USP54: variants seen among roughly 807,000 people sequenced by gnomAD.
The protein encoded by USP54 is ubiquitin carboxyl-terminal hydrolase 54.
USP54 carries 87 observed loss-of-function variants against 170.5 expected under a neutral mutation model. The ratio of observed to expected loss-of-function variants is 0.51; its 90% CI spans 0.43 to 0.61. The LOEUF (loss-of-function observed/expected upper bound fraction) is 0.61, where lower values mean the gene tolerates loss of function less well. Ranked by LOEUF, USP54 falls within the 20% of genes least tolerant of loss-of-function variation. USP54 has a pLI of 0.00. For missense variants in USP54, 1,786 were observed against 2,047.8 expected, an observed-to-expected ratio of 0.87 and a Z score of 2.47; for synonymous variants, 655 against 742.8, an observed-to-expected ratio of 0.88 and a Z score of 1.92.
At chr10:73,541,289 A>T in intron 9 of USP54, 86 bp downstream of exon 9, 1 of 1,564,210 alleles carries the variant, frequency 6.4e-7, no homozygotes, top group Admixed American at 1.7e-5. Context: ...CATCTAGGAC[A>T]TACCTGTTTG....
At chr10:73,506,489 T>A (rs1028330241) in intron 20 of USP54, 14 of 152,212 alleles carry the variant, frequency 9.2e-5, no homozygotes, top group Admixed American at 5.9e-4. Flanking sequence ...ATTTGATACA[T>A]ATGTCCATGG....
intron 7 of USP54, among the ~76,000 whole-genome samples, chr10:73,542,349 C>T (rs1254183465): frequency 2.0e-5 from 3 of 152,190 alleles, no homozygotes; most frequent in African/African-American, 7.2e-5. Context: ...ATCCGCCCAC[C>T]TGGGCCTCCC....
At chr10:73,531,780 A>G (rs2064023175) in intron 12 of USP54, among the ~76,000 whole-genome samples, 1 of 152,234 alleles carries the variant, frequency 6.6e-6, no homozygotes, top group Non-Finnish European at 1.5e-5. Flanking sequence ...GAAAACCAGG[A>G]GAGCTGGGCT....
At chr10:73,551,123 T>C (rs1249830883) in intron 4 of USP54, among the ~76,000 whole-genome samples, 1 of 151,996 alleles carries the variant, frequency 6.6e-6, no homozygotes, top group African/African-American at 2.4e-5. Context: ...AAATTGTTTT[T>C]CCCATTCTGC....
intron 4 of USP54, among the ~76,000 whole-genome samples, chr10:73,551,249 G>A (rs1048063427): frequency 2.6e-5 from 4 of 152,286 alleles, no homozygotes; most frequent in Admixed American, 6.5e-5. Context: ...TATGATGTGG[G>A]AGAGGCAGTG....
At chr10:73,534,137 T>C (rs991757788) in intron 12 of USP54, among the ~76,000 whole-genome samples, 7 of 152,322 alleles carry the variant, frequency 4.6e-5, no homozygotes, top group East Asian at 1.9e-4. Flanking sequence ...TTGTATCCCA[T>C]TGAATTGCCC....
At chr10:73,599,899 C>CTTT (rs536461848) in intron 1 of USP54, among the ~76,000 whole-genome samples, 23 of 117,962 alleles carry the variant, frequency 1.9e-4, no homozygotes, top group African/African-American at 4.8e-4. Flanking sequence ...GCACTTTGGG[C>CTTT]TTTTTTTTTT....
intron 3 of USP54, among the ~76,000 whole-genome samples, chr10:73,573,516 C>T (rs1345524133): frequency 6.6e-6 from 1 of 152,108 alleles, no homozygotes; most frequent in Non-Finnish European, 1.5e-5. Flanking sequence ...GTAAGCCCAG[C>T]ACTTTGGGAG....
chr10:73,514,011 C>G (rs1028685652), intron 20 of USP54, among the ~76,000 whole-genome samples: 12 of 151,930 alleles, frequency 7.9e-5, no homozygotes, highest in Admixed American at 2.6e-4. Context: ...GAGACAGGGT[C>G]TCACCATGTT....
intron 5 of USP54, among the ~76,000 whole-genome samples, chr10:73,544,956 C>T (rs1039223138): frequency 6.6e-6 from 1 of 152,160 alleles, no homozygotes; most frequent in Non-Finnish European, 1.5e-5. Context: ...TTGTGATCTG[C>T]CTGCCTTGGC....
chr10:73,593,037 G>A (rs929591028), upstream of USP54, among the ~76,000 whole-genome samples: 4 of 152,304 alleles, frequency 2.6e-5, no homozygotes, highest in African/African-American at 7.2e-5. Context: ...ACAAGTTTTT[G>A]TTAGGTGAGT....
At position 73,606,862 on chromosome 10, in the gene USP54, G is replaced by C. The variant is rs551494038; in HGVS notation, c.-18+18705C>G. 1.3e-4 allele frequency among the ~76,000 whole-genome samples: 18 copies of C among 142,148 alleles called. No individual in the cohort carries two copies. The South Asian group carries it at 4.0e-3, about 32-fold the overall frequency. The allele number at this position is 142,148 out of a possible 152,430, so 93.3% of individuals were successfully genotyped here. A position where few individuals can be genotyped will look rare whatever the true frequency, so the allele number is the denominator to read the frequency against. ...CCACTGCACTCCAGCCTGGGTGACA[G>C]AGCGAGACAATATCTCAAAAAAAAA... On this transcript the variant is annotated intron_variant, in intron 1 of 22. Transcript: ENST00000339859.
intron 9 of USP54, among the ~76,000 whole-genome samples, chr10:73,540,352 C>T (rs1476489815): frequency 6.6e-6 from 1 of 151,220 alleles, no homozygotes; most frequent in Non-Finnish European, 1.5e-5. Flanking sequence ...AGGCAGATCA[C>T]GAGGTCAGGA....
intron 17 of USP54, among the ~76,000 whole-genome samples, chr10:73,521,656 G>A (rs1240083402): frequency 6.6e-6 from 1 of 152,202 alleles, no homozygotes; most frequent in Non-Finnish European, 1.5e-5. Context: ...CAGGGCAGTT[G>A]AACTGCCTTC....
At position 73,614,784 on chromosome 10, in the gene USP54, G is replaced by C. The variant is rs190995548; in HGVS notation, c.-18+10783C>G. Among the ~76,000 whole-genome samples, 375 of 150,136 alleles carry C rather than the reference G, an allele frequency of 2.5e-3. 6 individuals carry two copies. Among genetic ancestry groups the C allele is most frequent in the Non-Finnish European group, 3.8e-3 (260 of 67,996 alleles). ...ATCAGTTAAAGAGTTAAATAAGCTAGTAAAGAGTTAGGATAAATATAAAAT... is the reference window on the plus strand; with the variant it reads ...ATCAGTTAAAGAGTTAAATAAGCTACTAAAGAGTTAGGATAAATATAAAAT... On this transcript the variant is annotated intron_variant, in intron 1 of 22. Transcript: ENST00000339859.
At position 73,620,976 on chromosome 10, in the gene USP54, C is replaced by T. The variant is rs367939689; in HGVS notation, c.-18+4591G>A. On this transcript the variant is annotated intron_variant, in intron 1 of 22. Transcript: ENST00000339859. Reference sequence around the variant, plus strand: ...TTGGAGACCACCCTGGCCAACATGGCGAAACCCCGTCTCTACTAAAAATAC... The same window carrying T: ...TTGGAGACCACCCTGGCCAACATGGTGAAACCCCGTCTCTACTAAAAATAC... Among the ~76,000 whole-genome samples, 14 of 149,044 alleles carry T rather than the reference C, an allele frequency of 9.4e-5. 1 individual carries two copies. Among genetic ancestry groups the T allele is most frequent in the East Asian group, 2.0e-4 (1 of 5,048 alleles).
chr10:73,507,462 C>G (rs1404782502), intron 20 of USP54, among the ~76,000 whole-genome samples: 2 of 151,854 alleles, frequency 1.3e-5, no homozygotes, highest in Non-Finnish European at 1.5e-5. Context: ...ATCACGAGGT[C>G]AGGAGTTCGA....
rs1210869438 is a variant in USP54, at chr10:73,529,747, T to C, written c.1993A>G (p.Ser665Gly). The C allele has an allele frequency of 4.3e-6, 7 of 1,614,058 alleles. No homozygotes were observed. In the East Asian group the frequency reaches 6.7e-5, roughly 15 times the overall value. ...IQRMESGYES[S>G]ERNSSSPVSL... ...ACAGGGCTGCTGCTGTTCCTCTCAC[T>C]GCTTTCATAGCCAGATTCCATTCGC... The change falls in exon 15 of 24, where the codon AGT (serine) becomes GGT (glycine). Residue 665 changes from serine to glycine, a missense_variant. Transcript: ENST00000687698.
At chr10:73,605,342 G>T (rs2079537680) in intron 1 of USP54, among the ~76,000 whole-genome samples, 2 of 152,132 alleles carry the variant, frequency 1.3e-5, no homozygotes, top group South Asian at 2.1e-4. Context: ...GGGATTACAG[G>T]TGTGAGCCAC....
Sources: gnomAD v4.1 joint callset for allele counts (sites outside exome capture counted in the v4.1 genomes callset) on GRCh38, gnomAD v4.1.1 for gene constraint, MANE v1.5 for transcripts, NCBI Gene and HGNC (gene_info 2026-07-23, HGNC 2026-07-21) for gene names.